MPPE1: variants seen among roughly 807,000 people sequenced by gnomAD.
MPPE1 encodes the protein metallophosphoesterase 1.
MPPE1 carries 28 observed loss-of-function variants against 43.8 expected under a neutral mutation model. The observed-to-expected ratio is 0.64, with a 90% CI of 0.47 to 0.88. The LOEUF is 0.88. Among genes scored for constraint, MPPE1 ranks in the 40% least tolerant of loss-of-function variants. The pLI, the probability that MPPE1 is intolerant of heterozygous loss-of-function variation, is 0.00. For synonymous variants in MPPE1, 159 were observed against 188.5 expected (o/e 0.84, Z 1.28); for missense variants, 428 against 492.2 (o/e 0.87, Z 1.23).
At chr18:11,898,775 CCCAA>C (rs773704507) in intron 2 of MPPE1, among the ~76,000 whole-genome samples, 3 of 152,096 alleles carry the variant, frequency 2.0e-5, no homozygotes, top group Non-Finnish European at 4.4e-5. Context: ...TGATTTCATT[CCCAA>C]CCAATCAACA....
intron 4 of MPPE1, among the ~76,000 whole-genome samples, chr18:11,892,747 A>G (rs564108803): frequency 6.6e-6 from 1 of 152,130 alleles, no homozygotes; most frequent in South Asian, 2.1e-4. Context: ...AGTTTTTTAT[A>G]CTATACCCCA....
At chr18:11,899,299 A>T (rs1245924889) in intron 2 of MPPE1, among the ~76,000 whole-genome samples, 1 of 152,214 alleles carries the variant, frequency 6.6e-6, no homozygotes, top group African/African-American at 2.4e-5. Flanking sequence ...CCTGTGGGTG[A>T]TTGCAACAGA....
chr18:11,898,706 A>C (rs914787193), intron 2 of MPPE1, among the ~76,000 whole-genome samples: 2 of 152,014 alleles, frequency 1.3e-5, no homozygotes, highest in Non-Finnish European at 1.5e-5. Flanking sequence ...GGCTCAACTG[A>C]TCCTATGACC....
In MPPE1 at chr18:11,897,017, T is replaced by C. The variant is rs138456014; in HGVS notation, c.248A>G (p.Glu83Gly). The C allele has an allele frequency of 4.5e-3, 7,132 of 1,590,564 alleles. 252 individuals are homozygous for C. The Admixed American group carries it at 0.074, about 17-fold the overall frequency. The stretch of plus-strand genomic sequence containing the variant: ...TTTGTCCAGCCAGTGGCCTAGGAAT[T>C]CCCCAAGCAAATGGGTGTCAGCCAA... ...MFLADTHLLG[E>G]FLGHWLDKLR... Residue 83 changes from glutamate (E) to glycine (G), a missense_variant, in exon 3 of 11, where the codon GAA (glutamate) becomes GGA (glycine). Glu to Gly is a moderately conservative substitution (Grantham distance 98). Around this residue, in one of 3 missense-constraint regions of MPPE1, gnomAD observed 379 missense variants for 402.5 expected, o/e 0.94. Coordinates refer to ENST00000588072, the MANE Select transcript of MPPE1 (RefSeq NM_023075.6).
intron 4 of MPPE1, among the ~76,000 whole-genome samples, chr18:11,890,728 C>G (rs2037903149): frequency 6.6e-6 from 1 of 152,144 alleles, no homozygotes; most frequent in Non-Finnish European, 1.5e-5. Context: ...TTCATAGACC[C>G]TGGTGGAGAA....
chr18:11,892,717 G>GTAC (rs2038145694), intron 4 of MPPE1, among the ~76,000 whole-genome samples: 1 of 151,778 alleles, frequency 6.6e-6, no homozygotes, highest in Non-Finnish European at 1.5e-5. Context: ...CAAAGTGCTG[G>GTAC]TACTACGGGC....
chr18:11,905,109 C>A (rs2039582545), intron 2 of MPPE1: 1 of 152,280 alleles, frequency 6.6e-6, no homozygotes, highest in Admixed American at 6.6e-5. Context: ...GAGTTCAAGA[C>A]CATCCTGGCC....
chr18:11,904,886 T>G (rs2143388711), intron 2 of MPPE1, among the ~76,000 whole-genome samples: 1 of 151,796 alleles, frequency 6.6e-6, no homozygotes, highest in Admixed American at 6.6e-5. Flanking sequence ...GAGGTTGCAG[T>G]GAGCCGAGAT....
intron 5 of MPPE1, 120 bp from the exon 6 acceptor site, chr18:11,888,863 G>A: frequency 1.8e-6 from 1 of 560,154 alleles, no homozygotes. Flanking sequence ...TATTAGTTAA[G>A]GGCTCTACCT....
At chr18:11,894,415 G>C (rs755816978) in intron 3 of MPPE1, among the ~76,000 whole-genome samples, 1 of 123,968 alleles carries the variant, frequency 8.1e-6, no homozygotes, top group African/African-American at 3.1e-5. Context: ...CTGGGTGACA[G>C]AGCGAGACTC....
chr18:11,891,488 AT>A (rs1188852361), intron 4 of MPPE1: 1 of 152,232 alleles, frequency 6.6e-6, no homozygotes, highest in Non-Finnish European at 1.5e-5. Context: ...AAATAAAAAA[AT>A]ATAAAGTTAG....
intron 10 of MPPE1, chr18:11,885,094 CT>C: frequency 8.1e-7 from 1 of 1,234,854 alleles, no homozygotes; most frequent in Non-Finnish European, 1.0e-6. Context: ...TTTGCAGATA[CT>C]TTTATGTGGA....
intron 2 of MPPE1, among the ~76,000 whole-genome samples, chr18:11,904,253 C>A (rs1340886073): frequency 6.6e-6 from 1 of 152,084 alleles, no homozygotes; most frequent in African/African-American, 2.4e-5. Flanking sequence ...TACATATTTT[C>A]CTGAGAAGAC....
intron 2 of MPPE1, among the ~76,000 whole-genome samples, chr18:11,903,583 G>A (rs2039406939): frequency 1.3e-5 from 2 of 152,136 alleles, no homozygotes; most frequent in African/African-American, 4.8e-5. Flanking sequence ...GAGGCGGGCG[G>A]ATCACAAGGT....
chr18:11,903,715 A>G (rs969069972), intron 2 of MPPE1, among the ~76,000 whole-genome samples: 2 of 152,206 alleles, frequency 1.3e-5, no homozygotes, highest in Non-Finnish European at 2.9e-5. Context: ...CTGAGGCAGG[A>G]GAATGGCGTG....
intron 3 of MPPE1, among the ~76,000 whole-genome samples, chr18:11,895,557 G>C (rs79777941): frequency 6.8e-6 from 1 of 147,476 alleles, no homozygotes; most frequent in African/African-American, 2.5e-5. Context: ...TTTTTTTTTA[G>C]AGACAGGCTC....
At chr18:11,899,465 T>G (rs1398408325) in intron 2 of MPPE1, among the ~76,000 whole-genome samples, 1 of 152,248 alleles carries the variant, frequency 6.6e-6, no homozygotes, top group East Asian at 1.9e-4. Flanking sequence ...CCTTCAAAAT[T>G]TTTATGGATT....
chr18:11,891,292 G>C (rs1237458151), intron 4 of MPPE1: 1 of 152,180 alleles, frequency 6.6e-6, no homozygotes, highest in Non-Finnish European at 1.5e-5. Context: ...TGGCCAACAT[G>C]ATGAAACCTG....
intron 1 of MPPE1, among the ~76,000 whole-genome samples, chr18:11,907,545 C>A (rs2039833550): frequency 6.6e-6 from 1 of 152,062 alleles, no homozygotes; most frequent in South Asian, 2.1e-4. Context: ...TTTTGTCAAC[C>A]GCAGGCTGCG....
Sources: gnomAD v4.1 joint callset for allele counts (sites outside exome capture counted in the v4.1 genomes callset) on GRCh38, gnomAD v4.1.1 for gene constraint, gnomAD v4.1.1 regional missense constraint, MANE v1.5 for transcripts, NCBI Gene and HGNC (gene_info 2026-07-23, HGNC 2026-07-21) for gene names.